Variants in NRK observed in about 807,000 individuals in gnomAD.
The protein encoded by NRK is nik-related protein kinase.
NRK carries 67 observed loss-of-function variants against 125.2 expected under a neutral mutation model. The ratio of observed to expected loss-of-function variants is 0.54; its 90% CI spans 0.44 to 0.66. The LOEUF (loss-of-function observed/expected upper bound fraction) is 0.66. NRK is among the 30% of genes least tolerant of loss of function. The pLI is 0.00. For synonymous variants in NRK, 458 were observed against 429.0 expected (o/e 1.07, Z -0.84); for missense variants, 1,224 against 1,192.9 (o/e 1.03, Z -0.38).
chrX:105,914,155 A>G (rs1411130510), intron 14 of NRK, among the ~76,000 whole-genome samples: 4 of 110,755 alleles, frequency 3.6e-5, no homozygotes, highest in African/African-American at 1.3e-4. Flanking sequence ...AATCAGCACA[A>G]GATGTTACAC....
chrX:105,869,974 C>T (rs754868788), intron 2 of NRK, among the ~76,000 whole-genome samples: 21 of 110,689 alleles, frequency 1.9e-4, no homozygotes, highest in Middle Eastern at 4.7e-3. Flanking sequence ...AACCTGTTTG[C>T]TTACGGAGGG....
chrX:105,826,488 T>A (rs1473391024), intron 1 of NRK, among the ~76,000 whole-genome samples: 1 of 100,447 alleles, frequency 1.0e-5, no homozygotes, highest in African/African-American at 3.7e-5. Context: ...TCACTATGAC[T>A]ATCCCCTTTG....
chrX:105,950,579 GAGAGA>G (rs1364077523), intron 27 of NRK, among the ~76,000 whole-genome samples: 6 of 94,665 alleles, frequency 6.3e-5, no homozygotes, highest in Non-Finnish European at 1.1e-4. Context: ...TGTGTGTGTG[GAGAGA>G]GAGAGAGAGA....
intron 27 of NRK, among the ~76,000 whole-genome samples, chrX:105,950,003 A>G (rs2040870256): frequency 8.9e-6 from 1 of 111,869 alleles, no homozygotes; most frequent in Non-Finnish European, 1.9e-5. Flanking sequence ...ATTCCTTTCC[A>G]CAAAAATCTA....
chrX:105,919,601 G>T (rs1053380961), intron 16 of NRK, among the ~76,000 whole-genome samples: 1 of 111,722 alleles, frequency 9.0e-6, no homozygotes, highest in Non-Finnish European at 1.9e-5. Flanking sequence ...TTCTATCACT[G>T]CAGAAAGTTT....
At chrX:105,846,156 T>A (rs939828096) in intron 2 of NRK, among the ~76,000 whole-genome samples, 1 of 111,852 alleles carries the variant, frequency 8.9e-6, no homozygotes, top group African/African-American at 3.3e-5. Flanking sequence ...GATATTAATT[T>A]TTTTGGTGAA....
At chrX:105,862,836 G>A (rs1211347416) in intron 2 of NRK, among the ~76,000 whole-genome samples, 1 of 111,993 alleles carries the variant, frequency 8.9e-6, no homozygotes, top group Non-Finnish European at 1.9e-5. Flanking sequence ...TTTGTTTCCA[G>A]TGGGCAATAC....
intron 27 of NRK, among the ~76,000 whole-genome samples, chrX:105,951,351 C>G (rs1399668220): frequency 9.0e-6 from 1 of 110,969 alleles, no homozygotes; most frequent in Non-Finnish European, 1.9e-5. Flanking sequence ...CTCTTGTCCT[C>G]AGACAGGACA....
chrX:105,935,971 T>G (rs773674842), intron 21 of NRK, among the ~76,000 whole-genome samples: 25 of 109,970 alleles, frequency 2.3e-4, no homozygotes, highest in African/African-American at 7.9e-4. Context: ...CCTTGGAAAT[T>G]TGTAGAGAAA....
Position 105,917,653 on chromosome X carries a change from A to G in NRK, c.2493A>G (p.Gln831=), listed in dbSNP as rs769139675. 25 of 1,150,382 alleles carry G rather than the reference A, an allele frequency of 2.2e-5. No homozygotes were observed. The highest frequency in any genetic ancestry group is 2.2e-4 in the African/African-American group (12 of 55,598). 94.8% of individuals were successfully genotyped at this position (1,150,382 alleles called of 1,213,427 possible). A position where few individuals can be genotyped will look rare whatever the true frequency, so the allele number is the denominator to read the frequency against. Residue 831 remains glutamine, a synonymous_variant, in exon 16 of 29, where the codon CAA becomes CAG. Transcript: ENST00000243300. Reference sequence around the variant, plus strand: ...GACAAAGGAGTTCGCAAAATCGTCAAAATTGGCTGGCAGCATCAGGTGATT... The same window carrying G: ...GACAAAGGAGTTCGCAAAATCGTCAGAATTGGCTGGCAGCATCAGGTGATT... ...DIRQRSSQNR[Q]NWLAASESSS...
At position 105,955,954 on chromosome X, in the gene NRK, CA is replaced by C; in HGVS notation, c.*358del. 8.1e-6 allele frequency: 1 copy of C among 123,487 alleles called. No homozygotes were observed. The highest frequency in any genetic ancestry group is 1.7e-5 in the Non-Finnish European group (1 of 60,179). 10.2% of individuals were successfully genotyped at this position (123,487 alleles called of 1,213,427 possible). A position where few individuals can be genotyped will look rare whatever the true frequency, so the allele number is the denominator to read the frequency against. ...TATGAATTAGATTACAAGCAGCCTT[CA>C]AAAGAATTGGCACTGGGATAAGATT... On this transcript the variant is annotated 3_prime_UTR_variant, in exon 29 of 29. Coordinates refer to ENST00000243300, the MANE Select transcript of NRK (RefSeq NM_198465.4).
intron 7 of NRK, among the ~76,000 whole-genome samples, chrX:105,896,164 T>C (rs1487985826): frequency 8.9e-6 from 1 of 112,074 alleles, no homozygotes; most frequent in Non-Finnish European, 1.9e-5. Context: ...CTTAAGCTCA[T>C]AGGGAACAAT....
At chrX:105,905,910 A>G (rs2040213420) in intron 10 of NRK, among the ~76,000 whole-genome samples, 3 of 111,981 alleles carry the variant, frequency 2.7e-5, no homozygotes, top group Non-Finnish European at 5.6e-5. Flanking sequence ...AACCCTTTCC[A>G]TGGATTCAGT....
chrX:105,842,478 G>A (rs2039343141), intron 2 of NRK, among the ~76,000 whole-genome samples: 1 of 111,787 alleles, frequency 8.9e-6, no homozygotes, highest in African/African-American at 3.3e-5. Flanking sequence ...GGAAAAGAGG[G>A]AAACAACAAA....
chrX:105,933,178 A>G (rs948014666), intron 19 of NRK, among the ~76,000 whole-genome samples: 20 of 107,782 alleles, frequency 1.9e-4, no homozygotes, highest in African/African-American at 6.5e-4. Context: ...CTATCTATCT[A>G]TCTATCTATC....
chrX:105,878,791 A>G (rs966780327), intron 2 of NRK, among the ~76,000 whole-genome samples: 1 of 111,467 alleles, frequency 9.0e-6, no homozygotes, highest in Non-Finnish European at 1.9e-5. Context: ...CTTGATTACT[A>G]GTCTCTGAAC....
At chrX:105,903,150 G>A (rs958613749) in intron 9 of NRK, among the ~76,000 whole-genome samples, 4 of 111,383 alleles carry the variant, frequency 3.6e-5, no homozygotes, top group African/African-American at 6.5e-5. Context: ...GAGGAGAAGC[G>A]GGATAGGATC....
In NRK at chrX:105,953,089, C is replaced by T. The variant is rs778859997; in HGVS notation, c.4569C>T (p.Arg1523=). The T allele has an allele frequency of 6.4e-5, 76 of 1,196,288 alleles. No homozygotes were observed. The highest frequency in any genetic ancestry group is 8.0e-5 in the Non-Finnish European group (71 of 886,085). ...GGGGCCAAAAGGCCATTGAAGTGCG[C>T]TCTTTGCAATCCAGGGTTCTGGAAA... The part of the protein sequence containing the change: ...TGWGQKAIEV[R]SLQSRVLESE... Residue 1523 remains arginine (R), a synonymous_variant, in exon 28 of 29, where the codon CGC becomes CGT. Transcript: ENST00000243300.
chrX:105,941,844 G>A (rs1316051027), intron 23 of NRK, among the ~76,000 whole-genome samples: 3 of 110,448 alleles, frequency 2.7e-5, no homozygotes, highest in Non-Finnish European at 5.7e-5. Context: ...TGTGACAATC[G>A]CCATGATCTA....
Sources: gnomAD v4.1 joint callset for allele counts (sites outside exome capture counted in the v4.1 genomes callset) on GRCh38, gnomAD v4.1.1 for gene constraint, MANE v1.5 for transcripts, NCBI Gene and HGNC (gene_info 2026-07-23, HGNC 2026-07-21) for gene names.